Variants in CDKAL1 observed in about 807,000 individuals in gnomAD.
CDKAL1 encodes threonylcarbamoyladenosine tRNA methylthiotransferase.
CDKAL1 carries 32 observed loss-of-function variants against 68.2 expected under a neutral mutation model. The ratio of observed to expected loss-of-function variants is 0.47; its 90% CI spans 0.35 to 0.63. The LOEUF (loss-of-function observed/expected upper bound fraction) is 0.63, where lower values mean the gene tolerates loss of function less well. CDKAL1 is among the 30% of genes least tolerant of loss of function. The pLI, the probability that CDKAL1 is intolerant of heterozygous loss-of-function variation, is 0.00. For missense variants in CDKAL1, 606 were observed against 696.7 expected (o/e 0.87, Z 1.47); for synonymous variants, 234 against 244.3 (o/e 0.96, Z 0.39).
At chr6:20,705,323 A>G (rs916725272) in intron 5 of CDKAL1, among the ~76,000 whole-genome samples, 1 of 152,158 alleles carries the variant, frequency 6.6e-6, no homozygotes, top group Non-Finnish European at 1.5e-5. Context: ...ACTGAGCACA[A>G]TTTTCACTGT....
At chr6:20,895,193 A>T (rs67014511) in intron 9 of CDKAL1, among the ~76,000 whole-genome samples, 16,333 of 152,146 alleles carry the variant, frequency 0.11, 951 homozygotes, top group African/African-American at 0.14. Flanking sequence ...ATTTGTCCAT[A>T]TATCTGTTTT....
chr6:20,538,296 A>ACG (rs1763258754), intron 2 of CDKAL1, among the ~76,000 whole-genome samples: 2 of 143,442 alleles, frequency 1.4e-5, no homozygotes, highest in African/African-American at 2.6e-5. Flanking sequence ...TCCTTTACGC[A>ACG]TTGTTTTCTG....
intron 9 of CDKAL1, among the ~76,000 whole-genome samples, chr6:20,852,446 AC>A (rs1010280695): frequency 2.6e-5 from 4 of 152,352 alleles, no homozygotes; most frequent in South Asian, 2.1e-4. Flanking sequence ...TATATTTTCT[AC>A]CTGGCTTTTT....
chr6:20,575,876 C>A (rs1255857589), intron 4 of CDKAL1, among the ~76,000 whole-genome samples: 1 of 152,114 alleles, frequency 6.6e-6, no homozygotes, highest in Non-Finnish European at 1.5e-5. Flanking sequence ...CATGGCAACA[C>A]ACTCTATCAA....
intron 10 of CDKAL1, among the ~76,000 whole-genome samples, chr6:20,984,608 A>G (rs1482823418): frequency 1.3e-5 from 2 of 152,120 alleles, no homozygotes; most frequent in East Asian, 3.9e-4. Context: ...GAGGATTTTT[A>G]TTACTGATGA....
chr6:20,665,836 T>C (rs1769513725), intron 5 of CDKAL1, among the ~76,000 whole-genome samples: 1 of 152,090 alleles, frequency 6.6e-6, no homozygotes, highest in African/African-American at 2.4e-5. Flanking sequence ...ATATGCATGT[T>C]AAGTGGGGCT....
intron 13 of CDKAL1, among the ~76,000 whole-genome samples, chr6:21,189,713 A>C (rs1330305004): frequency 1.3e-5 from 2 of 152,238 alleles, no homozygotes; most frequent in Non-Finnish European, 2.9e-5. Context: ...ATTTCATTAT[A>C]GAATGGCATT....
At chr6:20,805,984 T>C (rs1174949512) in intron 8 of CDKAL1, among the ~76,000 whole-genome samples, 1 of 152,032 alleles carries the variant, frequency 6.6e-6, no homozygotes, top group Non-Finnish European at 1.5e-5. Context: ...TTTTTTGGGG[T>C]CTTATTCTTT....
chr6:20,845,009 GTTACT>G (rs1778325033), intron 8 of CDKAL1, among the ~76,000 whole-genome samples: 1 of 152,206 alleles, frequency 6.6e-6, no homozygotes, highest in African/African-American at 2.4e-5. Flanking sequence ...TAAAATGTAT[GTTACT>G]TTACTTAAGG....
intron 11 of CDKAL1, among the ~76,000 whole-genome samples, chr6:21,015,089 A>ACCTG (rs1768250803): frequency 6.6e-6 from 1 of 152,208 alleles, no homozygotes; most frequent in African/African-American, 2.4e-5. Flanking sequence ...TAACAATCCC[A>ACCTG]GGTGTCTAGT....
At chr6:20,657,884 C>T (rs950643328) in intron 5 of CDKAL1, among the ~76,000 whole-genome samples, 1 of 151,920 alleles carries the variant, frequency 6.6e-6, no homozygotes, top group African/African-American at 2.4e-5. Flanking sequence ...GCTAGGAAGC[C>T]CCCTGTGTTA....
At chr6:21,222,667 G>A (rs1390675741) in intron 15 of CDKAL1, among the ~76,000 whole-genome samples, 2 of 152,234 alleles carry the variant, frequency 1.3e-5, no homozygotes, top group East Asian at 3.9e-4. Flanking sequence ...TCCCCTGTAT[G>A]TCCTGGTATC....
chr6:20,748,006 G>C (rs1283570198), intron 6 of CDKAL1, among the ~76,000 whole-genome samples: 2 of 152,116 alleles, frequency 1.3e-5, no homozygotes, highest in Non-Finnish European at 2.9e-5. Flanking sequence ...CTATAATCTG[G>C]AGCTGATTTT....
chr6:21,060,879 T>A (rs925704095), intron 11 of CDKAL1, among the ~76,000 whole-genome samples: 1 of 152,190 alleles, frequency 6.6e-6, no homozygotes, highest in Non-Finnish European at 1.5e-5. Context: ...TGATCATTTT[T>A]CTCTTTGTCT....
intron 11 of CDKAL1, among the ~76,000 whole-genome samples, chr6:21,063,721 A>AT (rs532567174): frequency 5.5e-4 from 84 of 152,114 alleles, no homozygotes; most frequent in Non-Finnish European, 9.7e-4. Flanking sequence ...TATTGAATTA[A>AT]TTTTTTTTGC....
At chr6:20,976,436 A>G (rs1349988510) in intron 10 of CDKAL1, among the ~76,000 whole-genome samples, 1 of 152,232 alleles carries the variant, frequency 6.6e-6, no homozygotes, top group Non-Finnish European at 1.5e-5. Context: ...ATTTATGATG[A>G]CTGGACCGTA....
At chr6:21,062,824 T>C (rs544020931) in intron 11 of CDKAL1, among the ~76,000 whole-genome samples, 2 of 152,376 alleles carry the variant, frequency 1.3e-5, no homozygotes, top group African/African-American at 4.8e-5. Flanking sequence ...CATTGGTATG[T>C]CCCTTGTTCC....
intron 10 of CDKAL1, among the ~76,000 whole-genome samples, chr6:20,994,719 T>G (rs779665094): frequency 2.6e-5 from 4 of 152,228 alleles, no homozygotes; most frequent in Non-Finnish European, 5.9e-5. Context: ...TACTATATTA[T>G]AGTCTAGTAA....
intron 13 of CDKAL1, among the ~76,000 whole-genome samples, chr6:21,167,096 C>G (rs1387609019): frequency 6.6e-6 from 1 of 152,180 alleles, no homozygotes; most frequent in African/African-American, 2.4e-5. Flanking sequence ...AATGTGATAT[C>G]AGAAAAGCAA....
Sources: allele counts gnomAD v4.1 joint callset (sites outside exome capture counted in the v4.1 genomes callset), GRCh38; gene constraint gnomAD v4.1.1; transcripts MANE v1.5; gene names NCBI Gene and HGNC (gene_info 2026-07-23, HGNC 2026-07-21).